The following TNS3 variants were observed in gnomAD, a reference collection of about 807,000 sequenced individuals.
TNS3 encodes tensin 3.
Under a neutral mutation model 140.9 loss-of-function variants are expected in TNS3, and 45 were observed. The observed-to-expected ratio is 0.32, with a 90% CI of 0.25 to 0.41. The LOEUF (loss-of-function observed/expected upper bound fraction) is 0.41, where lower values mean the gene tolerates loss of function less well. Ranked by LOEUF, TNS3 falls within the 10% of genes least tolerant of loss-of-function variation. The probability of loss-of-function intolerance (pLI) is 1.00; values close to 1 mark genes in which losing one functional copy is unlikely to be tolerated. For synonymous variants in TNS3, 815 were observed against 788.4 expected (o/e 1.03, Z -0.56); for missense variants, 1,716 against 1,906.7 (o/e 0.90, Z 1.86).
intron 1 of TNS3, among the ~76,000 whole-genome samples, chr7:47,541,665 G>C (rs1354255668): frequency 6.6e-6 from 1 of 152,042 alleles, no homozygotes; most frequent in African/African-American, 2.4e-5. Context: ...GCAAATGACC[G>C]AGGCCGGGCG....
intron 13 of TNS3, among the ~76,000 whole-genome samples, chr7:47,401,180 G>A (rs1172574336): frequency 2.0e-5 from 3 of 152,194 alleles, no homozygotes; most frequent in South Asian, 2.1e-4. Flanking sequence ...CTGTGGAACC[G>A]CAGCTCTGAA....
At chr7:47,328,811 C>A (rs1456719951) in intron 20 of TNS3, among the ~76,000 whole-genome samples, 1 of 152,202 alleles carries the variant, frequency 6.6e-6, no homozygotes, top group African/African-American at 2.4e-5. Context: ...TTCCGGGCCC[C>A]AATGGGCTAT....
chr7:47,317,828 G>A (rs1483101180), intron 20 of TNS3, among the ~76,000 whole-genome samples: 1 of 152,176 alleles, frequency 6.6e-6, no homozygotes, highest in Non-Finnish European at 1.5e-5. Flanking sequence ...ATGTGTGAGA[G>A]AGACAGAGAG....
Position 47,549,901 on chromosome 7 carries a change from G to A in TNS3, c.-264-20754C>T, listed in dbSNP as rs528588136. Among the ~76,000 whole-genome samples, 12 of 152,160 alleles carry A rather than the reference G, an allele frequency of 7.9e-5. No individual in the cohort carries two copies. The South Asian group carries it at 2.5e-3, about 32-fold the overall frequency. On this transcript the variant is annotated intron_variant, in intron 1 of 30. Transcript: ENST00000311160. Reference sequence around the variant, plus strand: ...TTTTTCATGCTCTGACCAGAACACTGCAGTATCAACTCTACCCACGTCCCC... The same window carrying A: ...TTTTTCATGCTCTGACCAGAACACTACAGTATCAACTCTACCCACGTCCCC...
intron 20 of TNS3, among the ~76,000 whole-genome samples, chr7:47,340,042 T>G (rs1180754060): frequency 6.9e-6 from 1 of 144,182 alleles, no homozygotes; most frequent in Non-Finnish European, 1.5e-5. Flanking sequence ...TATACATATG[T>G]GTATATGTGT....
At chr7:47,578,014 T>C (rs560083216) in intron 1 of TNS3, among the ~76,000 whole-genome samples, 2 of 137,340 alleles carry the variant, frequency 1.5e-5, no homozygotes, top group Non-Finnish European at 3.2e-5. Context: ...TACTGCCTTC[T>C]AAAAAAAAAA....
intron 3 of TNS3, among the ~76,000 whole-genome samples, chr7:47,490,502 G>A (rs565272149): frequency 6.6e-6 from 1 of 152,184 alleles, no homozygotes; most frequent in Non-Finnish European, 1.5e-5. Flanking sequence ...CTTGAGTCTG[G>A]GCTCGTCCTG....
rs6967350 is a variant in TNS3 at position 47,363,961 on chromosome 7, G to A, written c.2281+4404C>T. Among the ~76,000 whole-genome samples, 1,114 of 152,218 alleles carry A rather than the reference G, an allele frequency of 7.3e-3. 16 individuals are homozygous for A. The highest frequency in any genetic ancestry group is 0.025 in the African/African-American group (1,056 of 41,520). On this transcript the variant is annotated intron_variant, in intron 17 of 30. Coordinates refer to ENST00000311160, the MANE Select transcript of TNS3 (RefSeq NM_022748.12). ...GTCTCCTTTGGCTGGCTGAGGAGAC[G>A]GATATGGATTGAGGGATCTAGGACA...
In TNS3 at chr7:47,277,663, A is replaced by G; in HGVS notation, c.*413T>C. On this transcript the variant is annotated 3_prime_UTR_variant, in exon 31 of 31. Coordinates refer to ENST00000311160, the MANE Select transcript of TNS3 (RefSeq NM_022748.12). The stretch of plus-strand genomic sequence containing the variant: ...CAGCTGGACAGAAGCGCCCATGCGG[A>G]CGGGCGAAGCATGGCAGTCACTCGG... 3.6e-6 allele frequency: 1 copy of G among 276,694 alleles called. No homozygotes were observed. Among genetic ancestry groups the G allele is most frequent in the Non-Finnish European group, 7.0e-6 (1 of 142,114 alleles). The allele number at this position is 276,694 out of a possible 1,614,324, so 17.1% of individuals were successfully genotyped here. A position where few individuals can be genotyped will look rare whatever the true frequency, so the allele number is the denominator to read the frequency against.
At chr7:47,534,037 G>C (rs966660157) in intron 1 of TNS3, among the ~76,000 whole-genome samples, 1 of 152,122 alleles carries the variant, frequency 6.6e-6, no homozygotes, top group Non-Finnish European at 1.5e-5. Flanking sequence ...ATTTTGGGAC[G>C]CCGAGGCGGG....
chr7:47,385,689 A>T (rs1047876780), intron 16 of TNS3, among the ~76,000 whole-genome samples: 2 of 152,132 alleles, frequency 1.3e-5, no homozygotes, highest in African/African-American at 4.8e-5. Context: ...TAAAGAATGA[A>T]CTCCCAATAC....
chr7:47,389,019 AAGAAGAAGAAGAAGAAGAAGAAG>A (rs1792269295), intron 16 of TNS3, among the ~76,000 whole-genome samples: 1 of 2,128 alleles, frequency 4.7e-4, no homozygotes, highest in Non-Finnish European at 2.1e-3. Context: ...GAAGAAGAAG[AAGAAGAAGAAGAAGAAGAAGAAG>A]AAGAAGAAGA....
chr7:47,564,635 CAAAAAAA>C (rs749603752), intron 1 of TNS3, among the ~76,000 whole-genome samples: 3 of 30,222 alleles, frequency 9.9e-5, no homozygotes, highest in Non-Finnish European at 1.8e-4. Flanking sequence ...GACTCCGTCT[CAAAAAAA>C]AAAAAAACAA....
chr7:47,294,822 C>T (rs1349337805), intron 24 of TNS3, among the ~76,000 whole-genome samples: 2 of 152,226 alleles, frequency 1.3e-5, no homozygotes, highest in Admixed American at 1.3e-4. Flanking sequence ...AACATATTGA[C>T]ATTCAGTTGT....
Position 47,551,903 on chromosome 7 carries a change from G to A in TNS3, c.-264-22756C>T, listed in dbSNP as rs574953605. On this transcript the variant is annotated intron_variant, in intron 1 of 30. Transcript: ENST00000311160. ...GGCACAGCTGGAGCGGGGCAGGGGTGGGGTGGAGAGGGAGGCTACAAAACC... is the reference window on the plus strand; with the variant it reads ...GGCACAGCTGGAGCGGGGCAGGGGTAGGGTGGAGAGGGAGGCTACAAAACC... Among the ~76,000 whole-genome samples the A allele has an allele frequency of 2.8e-4, 43 of 152,272 alleles. No homozygotes were observed. In the South Asian group the frequency reaches 8.7e-3, roughly 31 times the overall value.
chr7:47,525,163 G>T (rs1584812042), intron 2 of TNS3, among the ~76,000 whole-genome samples: 1 of 152,170 alleles, frequency 6.6e-6, no homozygotes, highest in East Asian at 1.9e-4. Flanking sequence ...GTCCATGTTG[G>T]GTACGTGTGG....
At position 47,288,297 on chromosome 7, in the gene TNS3, G is replaced by A. The variant is rs546123211; in HGVS notation, c.3928+3658C>T. Among the ~76,000 whole-genome samples, 6 of 152,282 alleles carry A rather than the reference G, an allele frequency of 3.9e-5. No individual in the cohort carries two copies. In the East Asian group the frequency reaches 9.6e-4, roughly 24 times the overall value. ...GGATGACAGGACACTACACCCACAC[G>A]CCCTGTGGGTGAAGGGGAGGAGACA... is the stretch of plus-strand genomic sequence containing the variant. On this transcript the variant is annotated intron_variant, in intron 27 of 30. Transcript: ENST00000311160.
chr7:47,540,650 G>A (rs1163838234), intron 1 of TNS3, among the ~76,000 whole-genome samples: 3 of 152,204 alleles, frequency 2.0e-5, no homozygotes, highest in Non-Finnish European at 2.9e-5. Context: ...GAGGGGGCAC[G>A]GAGTCCACAG....
intron 14 of TNS3, 81 bp from the exon 15 acceptor site, chr7:47,400,539 A>G (rs982112606): frequency 7.0e-7 from 1 of 1,438,750 alleles, no homozygotes. Context: ...CTTTATTCCA[A>G]CCAGTACAGC....
Sources: gnomAD v4.1 joint callset for allele counts (sites outside exome capture counted in the v4.1 genomes callset) on GRCh38, gnomAD v4.1.1 for gene constraint, MANE v1.5 for transcripts, NCBI Gene and HGNC (gene_info 2026-07-23, HGNC 2026-07-21) for gene names.